The following PIGP variants were observed in gnomAD, a reference collection of about 807,000 sequenced individuals.
The protein encoded by PIGP is phosphatidylinositol glycan anchor biosynthesis class P.
Under a neutral mutation model 16.9 loss-of-function variants are expected in PIGP, and 12 were observed. The ratio of observed to expected loss-of-function variants is 0.71; its 90% CI spans 0.46 to 1.15. The LOEUF (loss-of-function observed/expected upper bound fraction) is 1.15. Among genes scored for constraint, PIGP ranks in the 50% most tolerant of loss-of-function variants. The pLI is 0.00. For missense variants in PIGP, 159 were observed against 153.5 expected, an observed-to-expected ratio of 1.04 and a Z score of -0.19; for synonymous variants, 57 against 54.7, an observed-to-expected ratio of 1.04 and a Z score of -0.18.
At chr21:37,066,671 C>A (rs373154798) in intron 4 of PIGP, among the ~76,000 whole-genome samples, 1 of 152,140 alleles carries the variant, frequency 6.6e-6, no homozygotes, top group Non-Finnish European at 1.5e-5. Flanking sequence ...ATACACACCC[C>A]CAAAGTCCTT....
At chr21:37,067,663 T>C (rs1283969995) in intron 3 of PIGP, among the ~76,000 whole-genome samples, 2 of 152,202 alleles carry the variant, frequency 1.3e-5, no homozygotes. Flanking sequence ...ATATTACTAT[T>C]TCCTCATTTT....
rs543884524 is a variant in PIGP at position 37,066,795 on chromosome 21, T to C, written c.274+467A>G. Among the ~76,000 whole-genome samples, 5 of 152,332 alleles carry C rather than the reference T, an allele frequency of 3.3e-5. No homozygotes were observed. In the East Asian group the frequency reaches 9.6e-4, roughly 29 times the overall value. ...GAACATATTATAGACACATATAGCA[T>C]ATACTTGTGGTTTTTATGGGAACAT... On this transcript the variant is annotated intron_variant, in intron 4 of 4. Transcript: ENST00000360525.
rs756677605 is a variant in PIGP, at chr21:37,067,353, G to A, written c.183C>T (p.Tyr61=). 3.7e-6 allele frequency: 6 copies of A among 1,607,756 alleles called. No homozygotes were observed. Among genetic ancestry groups the A allele is most frequent in the Non-Finnish European group, 4.3e-6 (5 of 1,174,250 alleles). ...AGCCAATTACTATAGCAATAAGGAGGTAGACAGGTAATGCAACTGCCCAAT... is the reference window on the plus strand; with the variant it reads ...AGCCAATTACTATAGCAATAAGGAGATAGACAGGTAATGCAACTGCCCAAT... ...QKYWAVALPV[Y]LLIAIVIGYV... The change falls in exon 4 of 5, where the codon TAC becomes TAT. Residue 61 remains tyrosine, a synonymous_variant. Coordinates refer to ENST00000360525, the MANE Select transcript of PIGP (RefSeq NM_153682.3).
intron 2 of PIGP, 120 bp downstream of exon 2, chr21:37,072,314 A>G (rs2070116510): frequency 1.1e-5 from 17 of 1,598,960 alleles, no homozygotes; most frequent in Non-Finnish European, 1.3e-5. Context: ...AGATTTTCTT[A>G]AAAAGAGACA....
chr21:37,071,534 C>T (rs2070030241), intron 2 of PIGP, among the ~76,000 whole-genome samples: 3 of 152,228 alleles, frequency 2.0e-5, no homozygotes, highest in Non-Finnish European at 4.4e-5. Context: ...AGAATTCGAA[C>T]TCAGTTGTAA....
At position 37,072,524 on chromosome 21, in the gene PIGP, G is replaced by C. The variant is rs746609412; in HGVS notation, c.-9C>G. On this transcript the variant is annotated 5_prime_UTR_variant, in exon 2 of 5. Transcript: ENST00000360525. ...GGTGAATTTTCCACCATTTTTCCTG[G>C]GGCTTTAGACAATCTGTGGAAAAGG... is the stretch of plus-strand genomic sequence containing the variant. The C allele has an allele frequency of 2.2e-5, 35 of 1,614,078 alleles. No individual in the cohort carries two copies. The Admixed American group carries it at 4.5e-4, about 21-fold the overall frequency.
In PIGP at chr21:37,067,962, A is replaced by C. The variant is rs186575875; in HGVS notation, c.156-582T>G. ...TCAAATTCTCTGATAGGACTCTATT[A>C]TGCCTCTCAGTATCATTATGTACAT... is the stretch of plus-strand genomic sequence containing the variant. On this transcript the variant is annotated intron_variant, in intron 3 of 4. Transcript: ENST00000360525. 3.1e-3 allele frequency among the ~76,000 whole-genome samples: 472 copies of C among 151,594 alleles called. 2 individuals are homozygous for C. Among genetic ancestry groups the C allele is most frequent in the Non-Finnish European group, 5.0e-3 (340 of 67,892 alleles).
At chr21:37,072,105 C>T (rs766281071) in intron 2 of PIGP, 9 of 872,232 alleles carry the variant, frequency 1.0e-5, no homozygotes, top group African/African-American at 1.6e-5. Context: ...CCACCGTGCT[C>T]CCTGACACTC....
intron 2 of PIGP, among the ~76,000 whole-genome samples, chr21:37,070,258 G>C (rs886738632): frequency 6.6e-6 from 1 of 152,150 alleles, no homozygotes; most frequent in African/African-American, 2.4e-5. Flanking sequence ...GCTTAGAAAG[G>C]ATACATCACC....
At chr21:37,066,332 T>C (rs968919207) in intron 4 of PIGP, among the ~76,000 whole-genome samples, 18 of 152,148 alleles carry the variant, frequency 1.2e-4, no homozygotes, top group African/African-American at 3.9e-4. Context: ...ATCTTAACAA[T>C]TTCCCCTCTT....
intron 3 of PIGP, among the ~76,000 whole-genome samples, chr21:37,067,625 T>C (rs2069929346): frequency 6.6e-6 from 1 of 152,196 alleles, no homozygotes; most frequent in South Asian, 2.1e-4. Context: ...TTCTGGTACT[T>C]ACCTCCTCAT....
chr21:37,072,747 A>C (rs1183987828), intron 1 of PIGP: 2 of 712,974 alleles, frequency 2.8e-6, no homozygotes, highest in African/African-American at 1.8e-5. Context: ...AGGATAGGGC[A>C]GGGAGGGGGG....
At chr21:37,072,650 C>G (rs1429486859) in intron 1 of PIGP, 113 bp from the exon 2 acceptor site, 8 of 1,571,370 alleles carry the variant, frequency 5.1e-6, no homozygotes, top group East Asian at 2.3e-5. Context: ...AACCGCCTCC[C>G]GCGCCTCCGT....
At chr21:37,072,751 A>AG (rs1445654302) in intron 1 of PIGP, 4 of 700,252 alleles carry the variant, frequency 5.7e-6, no homozygotes, top group Admixed American at 2.9e-5. Flanking sequence ...TAGGGCAGGG[A>AG]GGGGGGTTCT....
intron 2 of PIGP, among the ~76,000 whole-genome samples, chr21:37,070,003 T>C (rs1411096448): frequency 6.6e-6 from 1 of 152,140 alleles, no homozygotes; most frequent in African/African-American, 2.4e-5. Flanking sequence ...AAAGGGAAAT[T>C]TACCTACCCT....
chr21:37,072,824 G>C, intron 1 of PIGP, 176 bp downstream of exon 1: 1 of 514,372 alleles, frequency 1.9e-6, no homozygotes, highest in Non-Finnish European at 3.4e-6. Context: ...GGAGGGCAGG[G>C]AACAAGGCTC....
intron 1 of PIGP, 94 bp from the exon 2 acceptor site, chr21:37,072,631 G>A (rs1324468407): frequency 5.0e-6 from 8 of 1,597,492 alleles, no homozygotes; most frequent in Non-Finnish European, 6.8e-6. Flanking sequence ...TACGGCCCCC[G>A]CCGCGCAGAA....
chr21:37,072,656 T>TCCGTCCGCAACCCGCGCCC (rs1222003984), intron 1 of PIGP, 119 bp from the exon 2 acceptor site: 3 of 1,557,630 alleles, frequency 1.9e-6, no homozygotes, highest in Non-Finnish European at 2.6e-6. Context: ...CTCCCGCGCC[T>TCCGTCCGCAACCCGCGCCC]CCGTCCGCAA....
Position 37,072,693 on chromosome 21 carries a change from A to G in PIGP, c.-22-156T>C, listed in dbSNP as rs373855150. ...CCGCGCCCCCGCCTCGAGCGCATACAGACACCCAGGCTGGCGCGCGCCCCG... is the reference window on the plus strand; with the variant it reads ...CCGCGCCCCCGCCTCGAGCGCATACGGACACCCAGGCTGGCGCGCGCCCCG... On this transcript the variant is annotated intron_variant, in intron 1 of 4. Transcript: ENST00000360525. The G allele has an allele frequency of 8.4e-5, 109 of 1,297,890 alleles. 1 individual carries two copies. In the East Asian group the frequency reaches 2.1e-3, roughly 25 times the overall value. 80.4% of individuals were successfully genotyped at this position (1,297,890 alleles called of 1,614,324 possible). A position where few individuals can be genotyped will look rare whatever the true frequency, so the allele number is the denominator to read the frequency against.
Sources: allele counts gnomAD v4.1 joint callset (sites outside exome capture counted in the v4.1 genomes callset), GRCh38; gene constraint gnomAD v4.1.1; transcripts MANE v1.5; gene names NCBI Gene and HGNC (gene_info 2026-07-23, HGNC 2026-07-21).